Variants in XPO5 observed in about 807,000 individuals in gnomAD.
XPO5 encodes the protein exportin-5.
A neutral mutation model predicts 160.6 loss-of-function variants in XPO5; 46 were observed. The observed-to-expected ratio is 0.29, with a 90% CI of 0.23 to 0.37. The LOEUF is 0.37. XPO5 is among the 10% of genes least tolerant of loss of function. XPO5 has a pLI of 1.00. For synonymous variants in XPO5, 537 were observed against 519.3 expected (o/e 1.03, Z -0.46); for missense variants, 1,090 against 1,463.9 (o/e 0.74, Z 4.17).
At chr6:43,561,122 G>GAAAT in intron 9 of XPO5, 115 bp from the exon 10 acceptor site, 1 of 860,262 alleles carries the variant, frequency 1.2e-6, no homozygotes, top group Non-Finnish European at 1.9e-6. Flanking sequence ...GTTTCAAAAG[G>GAAAT]ACTTTGTATT....
chr6:43,543,091 C>T (rs962396838), intron 20 of XPO5, among the ~76,000 whole-genome samples: 3 of 152,030 alleles, frequency 2.0e-5, no homozygotes, highest in African/African-American at 4.8e-5. Context: ...AAATATTGAG[C>T]GAAAGGAAGG....
chr6:43,525,477 A>G, intron 28 of XPO5: 1 of 514,258 alleles, frequency 1.9e-6, no homozygotes, highest in Non-Finnish European at 3.4e-6. Flanking sequence ...GGAAAAATAA[A>G]AGGAGTTTAC....
chr6:43,528,468 T>C (rs1036310016), intron 24 of XPO5, among the ~76,000 whole-genome samples: 3 of 152,162 alleles, frequency 2.0e-5, no homozygotes, highest in African/African-American at 4.8e-5. Context: ...CCTGGGTCTC[T>C]AGACATACCT....
chr6:43,526,797 A>G (rs370367568), intron 26 of XPO5, 50 bp from the exon 27 acceptor site: 90 of 1,582,498 alleles, frequency 5.7e-5, no homozygotes, highest in Non-Finnish European at 7.2e-5. Context: ...ATATACTACC[A>G]CAACAGCCAC....
Position 43,573,823 on chromosome 6 carries a change from ATTTTT to A in XPO5, c.106-227_106-223del, listed in dbSNP as rs111408497. Among the ~76,000 whole-genome samples the A allele has an allele frequency of 0.011, 1,363 of 126,124 alleles. 26 individuals carry two copies. Among genetic ancestry groups the A allele is most frequent in the African/African-American group, 0.041 (1,267 of 30,606 alleles). 82.7% of individuals were successfully genotyped at this position (126,124 alleles called of 152,430 possible). ...CTATTAAATATATATATATATATAT[ATTTTT>A]TTTTTTTTTTTTTGAGACGGAGTCT... is the stretch of plus-strand genomic sequence containing the variant. On this transcript the variant is annotated intron_variant, in intron 1 of 31. Transcript: ENST00000265351.
At chr6:43,535,012 G>C (rs1403168856) in intron 20 of XPO5, among the ~76,000 whole-genome samples, 1 of 148,272 alleles carries the variant, frequency 6.7e-6, no homozygotes, top group Admixed American at 6.7e-5. Flanking sequence ...CCCCCCAAAG[G>C]CCAGGCGCAG....
At chr6:43,524,379 A>G in intron 31 of XPO5, 92 bp downstream of exon 31, 3 of 1,441,888 alleles carry the variant, frequency 2.1e-6, no homozygotes, top group Non-Finnish European at 1.9e-6. Flanking sequence ...AAATCTCACC[A>G]TAATGGTCAA....
Position 43,528,300 on chromosome 6 carries a change from C to T in XPO5, c.2776-95G>A, listed in dbSNP as rs1268069332. 5.3e-6 allele frequency: 7 copies of T among 1,311,542 alleles called. No individual in the cohort carries two copies. The African/African-American group carries it at 7.4e-5, about 14-fold the overall frequency. 81.2% of individuals were successfully genotyped at this position (1,311,542 alleles called of 1,614,324 possible). ...AGTCCACTTCATGATTAAAATTAGCCAAGGATGATTCTAGGCATCAATGAC... is the reference window on the plus strand; with the variant it reads ...AGTCCACTTCATGATTAAAATTAGCTAAGGATGATTCTAGGCATCAATGAC... On this transcript the variant is annotated intron_variant, in intron 24 of 31. Coordinates refer to ENST00000265351, the MANE Select transcript of XPO5 (RefSeq NM_020750.3).
At chr6:43,529,097 C>A in intron 23 of XPO5, 172 bp from the exon 24 acceptor site, 1 of 1,034,624 alleles carries the variant, frequency 9.7e-7, no homozygotes, top group Non-Finnish European at 1.4e-6. Context: ...TCCTAAATGG[C>A]ACTGATATTG....
intron 23 of XPO5, chr6:43,529,339 G>A (rs968653428): frequency 1.1e-5 from 6 of 529,378 alleles, no homozygotes; most frequent in African/African-American, 6.7e-5. Flanking sequence ...TCAAGAGAGC[G>A]AGACCATCCT....
chr6:43,529,403 A>G (rs958880931), intron 23 of XPO5: 3 of 364,628 alleles, frequency 8.2e-6, no homozygotes, highest in Non-Finnish European at 1.5e-5. Flanking sequence ...AAAAAAAAAA[A>G]ATTAGTCGGG....
chr6:43,530,088 C>T (rs887303019), intron 23 of XPO5, among the ~76,000 whole-genome samples: 1 of 152,028 alleles, frequency 6.6e-6, no homozygotes, highest in Non-Finnish European at 1.5e-5. Context: ...AAACCTGTCT[C>T]TACTAAAAAT....
chr6:43,530,292 T>G (rs1014055135), intron 23 of XPO5, among the ~76,000 whole-genome samples: 1 of 151,640 alleles, frequency 6.6e-6, no homozygotes, highest in South Asian at 2.1e-4. Flanking sequence ...GGCGTGATGG[T>G]GCACACCTGT....
intron 11 of XPO5, among the ~76,000 whole-genome samples, chr6:43,559,484 C>T (rs1254478928): frequency 6.6e-5 from 10 of 152,142 alleles, no homozygotes; most frequent in Non-Finnish European, 2.9e-5. Context: ...TCTTTGCTTC[C>T]ACTCTCACTC....
chr6:43,553,631 A>C, intron 13 of XPO5, 128 bp from the exon 14 acceptor site: 1 of 1,434,568 alleles, frequency 7.0e-7, no homozygotes, highest in African/African-American at 1.4e-5. Flanking sequence ...TGATTGAAGG[A>C]GCAGGGTAAT....
At chr6:43,539,773 T>A (rs1794587531) in intron 20 of XPO5, 1 of 587,820 alleles carries the variant, frequency 1.7e-6, no homozygotes. Context: ...AGATAAATTA[T>A]CTGTTCCTTG....
chr6:43,532,296 G>A (rs1794035508), intron 21 of XPO5, among the ~76,000 whole-genome samples: 2 of 152,220 alleles, frequency 1.3e-5, no homozygotes, highest in Non-Finnish European at 2.9e-5. Flanking sequence ...ACAGACATGA[G>A]TTCTGGAAAG....
chr6:43,575,756 C>G lies in XPO5; in HGVS notation c.105+4G>C. On this transcript the variant is annotated splice_donor_region_variant and intron_variant, in intron 1 of 31. Transcript: ENST00000265351. ...CCGGCCCAGGACGCCAGGACCCCAG[C>G]TACCTTGAGGGCTTCCAGCCGGTAG... 1 of 1,611,398 alleles carries G rather than the reference C, an allele frequency of 6.2e-7. No homozygotes were observed. The highest frequency in any genetic ancestry group is 8.5e-7 in the Non-Finnish European group (1 of 1,178,320).
intron 4 of XPO5, 60 bp downstream of exon 4, chr6:43,570,797 C>T: frequency 6.5e-7 from 1 of 1,542,238 alleles, no homozygotes; most frequent in Admixed American, 2.2e-5. Context: ...AATCAAACAA[C>T]AAACCCTGAA....
Sources: gnomAD v4.1 joint callset for allele counts (sites outside exome capture counted in the v4.1 genomes callset) on GRCh38, gnomAD v4.1.1 for gene constraint, MANE v1.5 for transcripts, NCBI Gene and HGNC (gene_info 2026-07-23, HGNC 2026-07-21) for gene names.